The following DBI variants were observed in gnomAD, a reference collection of about 807,000 sequenced individuals.
The protein encoded by DBI is diazepam binding inhibitor, acyl-CoA binding protein, also known as acyl-CoA-binding protein.
A neutral mutation model predicts 13.0 loss-of-function variants in DBI; 12 were observed. That is an observed-to-expected ratio of 0.92 (90% confidence interval 0.59 to 1.49). The LOEUF (loss-of-function observed/expected upper bound fraction) is 1.49. Among genes scored for constraint, DBI ranks in the 40% most tolerant of loss-of-function variants. DBI has a pLI of 0.00. For synonymous variants in DBI, 37 were observed against 37.4 expected, an observed-to-expected ratio of 0.99 and a Z score of 0.04; for missense variants, 95 against 104.8, an observed-to-expected ratio of 0.91 and a Z score of 0.41.
chr2:119,367,632 C>T, intron 1 of DBI: 1 of 1,614,062 alleles, frequency 6.2e-7, no homozygotes, highest in Non-Finnish European at 8.5e-7. Context: ...CCAATCCGGG[C>T]ACTGGGACAG....
intron 1 of DBI, 63 bp from the exon 2 acceptor site, chr2:119,368,125 T>G: frequency 1.3e-6 from 2 of 1,520,208 alleles, no homozygotes; most frequent in African/African-American, 2.7e-5. Context: ...CAGGCCACAG[T>G]AGGATTCTTA....
At chr2:119,370,297 A>G (rs1431221039) in intron 2 of DBI, 1 of 153,160 alleles carries the variant, frequency 6.5e-6, no homozygotes, top group East Asian at 1.9e-4. Context: ...GGGCTAGGAT[A>G]TAAACAGTTC....
At chr2:119,367,488 G>A (rs1365806483) in intron 1 of DBI, 1 of 1,598,644 alleles carries the variant, frequency 6.3e-7, no homozygotes, top group East Asian at 2.2e-5. Flanking sequence ...GGGGCCGGCT[G>A]CTCAGAGTGC....
intron 2 of DBI, chr2:119,368,838 G>A (rs1378016680): frequency 6.2e-6 from 1 of 160,322 alleles, no homozygotes; most frequent in Non-Finnish European, 1.4e-5. Context: ...GGACTGTCAT[G>A]TTCTGTAATA....
intron 2 of DBI, 180 bp from the exon 3 acceptor site, chr2:119,370,560 T>A (rs759369997): frequency 1.1e-4 from 49 of 433,380 alleles, no homozygotes; most frequent in Middle Eastern, 6.4e-4. Context: ...AGATTTTAAG[T>A]TTGGATTGGC....
chr2:119,371,402 T>C (rs1254756985), intron 3 of DBI, among the ~76,000 whole-genome samples: 5 of 152,328 alleles, frequency 3.3e-5, no homozygotes, highest in African/African-American at 1.2e-4. Context: ...TGCTGGCTAG[T>C]TTCTGAATAA....
At chr2:119,369,623 T>C (rs1016661518) in intron 2 of DBI, among the ~76,000 whole-genome samples, 1 of 152,010 alleles carries the variant, frequency 6.6e-6, no homozygotes, top group African/African-American at 2.4e-5. Flanking sequence ...CCATCTCTAC[T>C]AAAAATACAA....
intron 2 of DBI, chr2:119,368,749 C>T (rs956385442): frequency 3.0e-5 from 5 of 166,778 alleles, no homozygotes; most frequent in Non-Finnish European, 6.6e-5. Context: ...CAGAGCATTT[C>T]GCTAACAAGT....
chr2:119,367,876 C>T (rs778423388), intron 1 of DBI: 2 of 1,613,858 alleles, frequency 1.2e-6, no homozygotes, highest in Admixed American at 1.7e-5. Flanking sequence ...CCACTGGGGG[C>T]GAAGGCTTGG....
chr2:119,367,946 T>A, intron 1 of DBI: 1 of 1,614,182 alleles, frequency 6.2e-7, no homozygotes, highest in South Asian at 1.1e-5. Context: ...GAGCTCTGGA[T>A]ATATGGTTTT....
intron 2 of DBI, among the ~76,000 whole-genome samples, chr2:119,369,116 TACCATATCAA>T (rs1434247193): frequency 6.6e-6 from 1 of 152,142 alleles, no homozygotes; most frequent in Non-Finnish European, 1.5e-5. Context: ...TCACAGGCAG[TACCATATCAA>T]ACCCTGGGGT....
chr2:119,367,980 G>T, intron 1 of DBI: 1 of 1,613,462 alleles, frequency 6.2e-7, no homozygotes, highest in Non-Finnish European at 8.5e-7. Context: ...GAACTGGAGG[G>T]GCTTCCCCTT....
intron 1 of DBI, chr2:119,367,362 A>G: frequency 6.9e-7 from 1 of 1,448,932 alleles, no homozygotes; most frequent in Middle Eastern, 1.8e-4. Context: ...AAGGGGTTGC[A>G]CGGATTGGAG....
At chr2:119,372,151 A>C in intron 3 of DBI, 94 bp from the exon 4 acceptor site, 2 of 846,094 alleles carry the variant, frequency 2.4e-6, no homozygotes, top group South Asian at 1.4e-5. Context: ...AACTGAGCCT[A>C]GGAGAGTTAC....
At position 119,367,023 on chromosome 2, in the gene DBI, C is replaced by G. The variant is rs745724572; in HGVS notation, c.-29C>G. ...TCCTGGTCCTCGCCTCCTCCGCTGT[C>G]TCCCTGGAGTTCTTGCAAGTCGGCC... On this transcript the variant is annotated 5_prime_UTR_variant, in exon 1 of 4. Coordinates refer to ENST00000355857, the MANE Select transcript of DBI (RefSeq NM_001079862.4). 33 of 1,613,904 alleles carry G rather than the reference C, an allele frequency of 2.0e-5. No homozygotes were observed.
chr2:119,367,516 G>T, intron 1 of DBI: 1 of 1,601,728 alleles, frequency 6.2e-7, no homozygotes, highest in Non-Finnish European at 8.5e-7. Flanking sequence ...GGAGAATCGC[G>T]GCCCGGGGAG....
chr2:119,369,197 G>A (rs1573722438), intron 2 of DBI, among the ~76,000 whole-genome samples: 2 of 152,152 alleles, frequency 1.3e-5, no homozygotes, highest in African/African-American at 4.8e-5. Context: ...CAGTGAGTTC[G>A]TAAACTCTGT....
Position 119,367,870 on chromosome 2 carries a change from T to C in DBI, c.10-318T>C, listed in dbSNP as rs74927114. ...CTTCTCCCGCAGAGGGGACCCCCAC[T>C]GGGGGCGAAGGCTTGGCCTGCCCTC... On this transcript the variant is annotated intron_variant, in intron 1 of 3. Coordinates refer to ENST00000355857, the MANE Select transcript of DBI (RefSeq NM_001079862.4). 4 of 1,614,032 alleles carry C rather than the reference T, an allele frequency of 2.5e-6. No individual in the cohort carries two copies. The African/African-American group carries it at 5.3e-5, about 22-fold the overall frequency.
intron 1 of DBI, chr2:119,367,886 G>C (rs879175525): frequency 1.2e-6 from 2 of 1,614,088 alleles, no homozygotes; most frequent in African/African-American, 1.3e-5. Flanking sequence ...CGAAGGCTTG[G>C]CCTGCCCTCT....
Sources: allele counts gnomAD v4.1 joint callset (sites outside exome capture counted in the v4.1 genomes callset), GRCh38; gene constraint gnomAD v4.1.1; transcripts MANE v1.5; gene names NCBI Gene and HGNC (gene_info 2026-07-23, HGNC 2026-07-21).